Variants in PPP2R1A observed in about 807,000 individuals in gnomAD.
PPP2R1A encodes serine/threonine-protein phosphatase 2A 65 kDa regulatory subunit A alpha isoform.
Under a neutral mutation model 67.1 loss-of-function variants are expected in PPP2R1A, and 15 were observed. That is an observed-to-expected ratio of 0.22 (90% CI 0.15 to 0.34). PPP2R1A has a LOEUF of 0.34. Among genes scored for constraint, PPP2R1A ranks in the 10% least tolerant of loss-of-function variants. The pLI is 1.00. For synonymous variants in PPP2R1A, 337 were observed against 325.0 expected, an observed-to-expected ratio of 1.04 and a Z score of -0.40; for missense variants, 369 against 775.0, an observed-to-expected ratio of 0.48 and a Z score of 6.22.
rs1978888056 is a variant in PPP2R1A at position 52,220,991 on chromosome 19, G to A, written c.1376G>A (p.Arg459His). The A allele has an allele frequency of 1.2e-6, 2 of 1,614,132 alleles. No individual in the cohort carries two copies. The highest frequency in any genetic ancestry group is 1.7e-6 in the Non-Finnish European group (2 of 1,180,014). ...CACCCTTCTGCAGTATATGCCATCCGCGAGGCAGCCACCAGCAACCTGAAG... is the reference window on the plus strand; with the variant it reads ...CACCCTTCTGCAGTATATGCCATCCACGAGGCAGCCACCAGCAACCTGAAG... ...AWLVDHVYAI[R>H]EAATSNLKKL... Residue 459 changes from arginine (R) to histidine (H), a missense_variant, in exon 12 of 15, where the codon CGC becomes CAC. Around this residue, in one of 2 missense-constraint regions of PPP2R1A, gnomAD observed 276 missense variants for 508.4 expected, o/e 0.54. Coordinates refer to ENST00000322088, the MANE Select transcript of PPP2R1A (RefSeq NM_014225.6).
In PPP2R1A at chr19:52,226,187, G is replaced by A. The variant is rs1240943991; in HGVS notation, c.*206G>A. On this transcript the variant is annotated 3_prime_UTR_variant, in exon 15 of 15. Coordinates refer to ENST00000322088, the MANE Select transcript of PPP2R1A (RefSeq NM_014225.6). ...TCCCAACGGGCTAGGGGAGCACGGGGTTGGACAGGACAGTGACCTTGGGAG... is the reference window on the plus strand; with the variant it reads ...TCCCAACGGGCTAGGGGAGCACGGGATTGGACAGGACAGTGACCTTGGGAG... 4.0e-6 allele frequency: 3 copies of A among 744,078 alleles called. No individual in the cohort carries two copies. The highest frequency in any genetic ancestry group is 3.7e-5 in the South Asian group (2 of 54,256). The allele number at this position is 744,078 out of a possible 1,614,324, so 46.1% of individuals were successfully genotyped here. A position where few individuals can be genotyped will look rare whatever the true frequency, so the allele number is the denominator to read the frequency against.
rs1487734599 is a variant in PPP2R1A at position 52,212,453 on chromosome 19, C to T, written c.504-233C>T. 10 of 552,018 alleles carry T rather than the reference C, an allele frequency of 1.8e-5. No homozygotes were observed. In the East Asian group the frequency reaches 3.2e-4, roughly 18 times the overall value. 34.2% of individuals were successfully genotyped at this position (552,018 alleles called of 1,614,324 possible). ...CTTAGCATTGACTAGATTTATTATG[C>T]GCAATCTGCGAAGTGTCTCACACAC... is the stretch of plus-strand genomic sequence containing the variant. On this transcript the variant is annotated intron_variant, in intron 4 of 14. Coordinates refer to ENST00000322088, the MANE Select transcript of PPP2R1A (RefSeq NM_014225.6). This position sits in a 1 kb window ranked among gnomAD's most constrained non-coding sequence, Gnocchi z 4.1.
At position 52,212,545 on chromosome 19, in the gene PPP2R1A, A is replaced by G; in HGVS notation, c.504-141A>G. On this transcript the variant is annotated intron_variant, in intron 4 of 14. Transcript: ENST00000322088. The surrounding 1 kb of genome is among the most constrained non-coding windows in gnomAD (Gnocchi z 4.1). ...ACTGTTACTATCAGCTCCGTTTCAT[A>G]GGGCTGGGAAGACAGAGAGGGGGTC... 1 of 1,000,946 alleles carries G rather than the reference A, an allele frequency of 1.0e-6. No homozygotes were observed. The highest frequency in any genetic ancestry group is 1.4e-6 in the Non-Finnish European group (1 of 695,842). 62.0% of individuals were successfully genotyped at this position (1,000,946 alleles called of 1,614,324 possible). A position where few individuals can be genotyped will look rare whatever the true frequency, so the allele number is the denominator to read the frequency against.
intron 3 of PPP2R1A, among the ~76,000 whole-genome samples, chr19:52,210,579 G>A (rs1371719822): frequency 1.3e-5 from 2 of 148,624 alleles, no homozygotes; most frequent in Admixed American, 6.8e-5. Context: ...TGCAGCCTCT[G>A]CCTCCCGGGT....
At chr19:52,207,206 G>A (rs2089613114) in intron 3 of PPP2R1A, among the ~76,000 whole-genome samples, 1 of 152,160 alleles carries the variant, frequency 6.6e-6, no homozygotes, top group African/African-American at 2.4e-5. Flanking sequence ...ACATGAGCAT[G>A]ATGAGGTTTG....
At chr19:52,206,871 C>T (rs1311114137) in intron 3 of PPP2R1A, among the ~76,000 whole-genome samples, 1 of 152,202 alleles carries the variant, frequency 6.6e-6, no homozygotes, top group Admixed American at 6.5e-5. Context: ...CTCTGCCCCA[C>T]TCCCCCAGTG....
At chr19:52,204,451 GT>G (rs1314226121) in intron 2 of PPP2R1A, among the ~76,000 whole-genome samples, 3 of 152,300 alleles carry the variant, frequency 2.0e-5, no homozygotes, top group Admixed American at 2.0e-4. Flanking sequence ...AGTGACCTTA[GT>G]TTGGGAGGGT....
intron 13 of PPP2R1A, among the ~76,000 whole-genome samples, chr19:52,224,505 T>C (rs1422075598): frequency 6.6e-6 from 1 of 152,202 alleles, no homozygotes; most frequent in Non-Finnish European, 1.5e-5. Context: ...TATTCACTCC[T>C]AATACATTGT....
chr19:52,202,611 G>A (rs10426066), intron 2 of PPP2R1A, among the ~76,000 whole-genome samples: 3 of 151,976 alleles, frequency 2.0e-5, no homozygotes, highest in African/African-American at 7.2e-5. Context: ...GGTGTAGAGA[G>A]GTGAAGTGAT....
rs920778177 is a variant in PPP2R1A, at chr19:52,212,252, A to G, written c.504-434A>G. ...AGGTGTGCAACACCACGCTGGGCTC[A>G]TTTTTTATTTTTGGCAGAGATGGGG... is the stretch of plus-strand genomic sequence containing the variant. On this transcript the variant is annotated intron_variant, in intron 4 of 14. Coordinates refer to ENST00000322088, the MANE Select transcript of PPP2R1A (RefSeq NM_014225.6). This position sits in a 1 kb window ranked among gnomAD's most constrained non-coding sequence, Gnocchi z 4.1. 2.6e-4 allele frequency among the ~76,000 whole-genome samples: 40 copies of G among 151,816 alleles called. No homozygotes were observed. The highest frequency in any genetic ancestry group is 1.3e-4 in the Admixed American group (2 of 15,244).
In PPP2R1A at chr19:52,213,457, GTTTTTTTTTT is replaced by G. The variant is rs398035011; in HGVS notation, c.807+368_807+377del. Among the ~76,000 whole-genome samples the G allele has an allele frequency of 9.9e-4, 71 of 71,764 alleles. No individual in the cohort carries two copies. Among genetic ancestry groups the G allele is most frequent in the African/African-American group, 3.4e-3 (62 of 18,380 alleles). 47.1% of individuals were successfully genotyped at this position (71,764 alleles called of 152,430 possible). A position where few individuals can be genotyped will look rare whatever the true frequency, so the allele number is the denominator to read the frequency against. On this transcript the variant is annotated intron_variant, in intron 6 of 14. Transcript: ENST00000322088. The surrounding 1 kb of genome is among the most constrained non-coding windows in gnomAD (Gnocchi z 4.2). ...GCCCAAAAAGGTGGGGTTTTTTGGT[GTTTTTTTTTT>G]TTTTTTTTTTTTTTTTTTTTAAGAT...
Position 52,212,652 on chromosome 19 carries a change from C to T in PPP2R1A, c.504-34C>T, listed in dbSNP as rs1388519281. ...TGCTTGCTCCTCTCTGCCATACTGC[C>T]TGCTGCCTCAGGATCCCCGTCCCCG... On this transcript the variant is annotated intron_variant, in intron 4 of 14. Coordinates refer to ENST00000322088, the MANE Select transcript of PPP2R1A (RefSeq NM_014225.6). This position sits in a 1 kb window ranked among gnomAD's most constrained non-coding sequence, Gnocchi z 4.1. 6.2e-7 allele frequency: 1 copy of T among 1,605,958 alleles called. No homozygotes were observed. The highest frequency in any genetic ancestry group is 8.5e-7 in the Non-Finnish European group (1 of 1,179,640).
rs1176608061 is a variant in PPP2R1A, at chr19:52,213,671, C to T, written c.807+561C>T. On this transcript the variant is annotated intron_variant, in intron 6 of 14. Transcript: ENST00000322088. The surrounding 1 kb of genome is among the most constrained non-coding windows in gnomAD (Gnocchi z 4.2). ...CTAGTTTTTGTATTTTTATTAGAGACGGGGTTTCACCATGTTGTTAGCCAG... is the reference window on the plus strand; with the variant it reads ...CTAGTTTTTGTATTTTTATTAGAGATGGGGTTTCACCATGTTGTTAGCCAG... 1.3e-5 allele frequency among the ~76,000 whole-genome samples: 2 copies of T among 151,540 alleles called. No individual in the cohort carries two copies. Among genetic ancestry groups the T allele is most frequent in the Non-Finnish European group, 2.9e-5 (2 of 67,904 alleles).
intron 2 of PPP2R1A, among the ~76,000 whole-genome samples, chr19:52,202,531 C>T (rs776449061): frequency 1.1e-4 from 17 of 152,154 alleles, no homozygotes; most frequent in Non-Finnish European, 4.4e-5. Flanking sequence ...ATCATTTCAC[C>T]CAGTTGATCT....
Position 52,216,459 on chromosome 19 carries a change from G to T in PPP2R1A, c.994-70G>T. The T allele has an allele frequency of 6.3e-7, 1 of 1,575,108 alleles. No individual in the cohort carries two copies. On this transcript the variant is annotated intron_variant, in intron 8 of 14. Transcript: ENST00000322088. The surrounding 1 kb of genome is among the most constrained non-coding windows in gnomAD (Gnocchi z 4.3). ...AGCAGGTTATTGTCTCTTAGGAGTT[G>T]GCATCTGCTTAGCCACTTGCTGCTG...
intron 1 of PPP2R1A, chr19:52,201,685 G>T: frequency 4.1e-6 from 2 of 484,012 alleles, no homozygotes; most frequent in Non-Finnish European, 7.6e-6. Context: ...GTCCTGGAAA[G>T]TGCAACTGAG....
chr19:52,194,209 G>A (rs2089479101), intron 1 of PPP2R1A, among the ~76,000 whole-genome samples: 1 of 151,870 alleles, frequency 6.6e-6, no homozygotes, highest in Non-Finnish European at 1.5e-5. Context: ...AAGTGATGTT[G>A]AACAAGGATT....
At chr19:52,222,583 G>A (rs567682292) in intron 13 of PPP2R1A, among the ~76,000 whole-genome samples, 61 of 152,366 alleles carry the variant, frequency 4.0e-4, no homozygotes, top group African/African-American at 1.4e-3. Flanking sequence ...AGATGTGTAT[G>A]TAACACCTCT....
At chr19:52,220,305 G>A in intron 11 of PPP2R1A, 56 bp downstream of exon 11, 1 of 1,577,146 alleles carries the variant, frequency 6.3e-7, no homozygotes, top group Non-Finnish European at 8.7e-7. Context: ...AAGGCAGGAT[G>A]GATTGGCTGG....
Sources: allele counts gnomAD v4.1 joint callset (sites outside exome capture counted in the v4.1 genomes callset), GRCh38; gene constraint gnomAD v4.1.1; regional missense constraint gnomAD v4.1.1; non-coding constraint Gnocchi (gnomAD v3.1); transcripts MANE v1.5; gene names NCBI Gene and HGNC (gene_info 2026-07-23, HGNC 2026-07-21).